The following RPS6KA5 variants were observed in gnomAD, a reference collection of about 807,000 sequenced individuals.
RPS6KA5 encodes the protein ribosomal protein S6 kinase A5, also known as ribosomal protein S6 kinase alpha-5.
In RPS6KA5, 27 loss-of-function variants were observed where a neutral mutation model predicts 85.5. The ratio of observed to expected loss-of-function variants is 0.32; its 90% confidence interval spans 0.23 to 0.44. The LOEUF (loss-of-function observed/expected upper bound fraction) is 0.44. RPS6KA5 is among the 20% of genes least tolerant of loss of function. The pLI is 1.00. For missense variants in RPS6KA5, 811 were observed against 980.9 expected, an observed-to-expected ratio of 0.83 and a Z score of 2.31; for synonymous variants, 334 against 348.2, an observed-to-expected ratio of 0.96 and a Z score of 0.46.
chr14:90,978,277 T>C, intron 3 of RPS6KA5, 29 bp downstream of exon 3: 3 of 1,534,736 alleles, frequency 2.0e-6, no homozygotes, highest in Non-Finnish European at 2.7e-6. Flanking sequence ...AGTGTTTTCA[T>C]AAAAAGTCTG....
At chr14:90,917,652 T>C (rs1325917552) in intron 7 of RPS6KA5, among the ~76,000 whole-genome samples, 1 of 152,208 alleles carries the variant, frequency 6.6e-6, no homozygotes, top group African/African-American at 2.4e-5. Flanking sequence ...ATATGGTATA[T>C]ATTCTATATT....
In RPS6KA5 at chr14:90,850,657, A is replaced by G. The variant is rs2031959023; in HGVS notation, c.*21417T>C. The G allele has an allele frequency of 6.6e-6, 1 of 152,240 alleles. No homozygotes were observed. Among genetic ancestry groups the G allele is most frequent in the South Asian group, 2.1e-4 (1 of 4,834 alleles). The allele number at this position is 152,240 out of a possible 1,614,324, so 9.4% of individuals were successfully genotyped here. A position where few individuals can be genotyped will look rare whatever the true frequency, so the allele number is the denominator to read the frequency against. ...GCCCCCACTTTCCCAAAAAGTTTTC[A>G]GGAAAAGGCTGCACAAGCACCTGTT... On this transcript the variant is annotated 3_prime_UTR_variant, in exon 17 of 17. Transcript: ENST00000614987.
intron 7 of RPS6KA5, among the ~76,000 whole-genome samples, chr14:90,909,443 G>A (rs551171709): frequency 2.0e-5 from 3 of 152,258 alleles, no homozygotes; most frequent in Non-Finnish European, 2.9e-5. Flanking sequence ...AACCCCTCAC[G>A]TGTATGTTAT....
chr14:90,854,260 T>A lies in RPS6KA5; in HGVS notation c.*17814A>T, dbSNP rs2032166239. 1 of 142,744 alleles carries A rather than the reference T, an allele frequency of 7.0e-6. No individual in the cohort carries two copies. Among genetic ancestry groups the A allele is most frequent in the South Asian group, 2.1e-4 (1 of 4,756 alleles). The allele number at this position is 142,744 out of a possible 1,614,324, so 8.8% of individuals were successfully genotyped here. A position where few individuals can be genotyped will look rare whatever the true frequency, so the allele number is the denominator to read the frequency against. ...TAAATGATTAATGTTTAATCATTAA[T>A]CATTTAATAATAAATGGCTACCAGA... On this transcript the variant is annotated 3_prime_UTR_variant, in exon 17 of 17. Coordinates refer to ENST00000614987, the MANE Select transcript of RPS6KA5 (RefSeq NM_004755.4).
intron 1 of RPS6KA5, among the ~76,000 whole-genome samples, chr14:91,021,777 C>T (rs1285401052): frequency 1.3e-5 from 2 of 152,134 alleles, no homozygotes; most frequent in East Asian, 1.9e-4. Context: ...TTTCAAAAGC[C>T]GGCTCTGTGT....
intron 2 of RPS6KA5, among the ~76,000 whole-genome samples, chr14:90,986,616 T>C (rs2040064779): frequency 2.0e-5 from 3 of 152,230 alleles, no homozygotes; most frequent in Admixed American, 2.0e-4. Context: ...GATGGTGTTC[T>C]GCCAGGTCCC....
At chr14:90,926,582 C>T (rs1198009390) in intron 5 of RPS6KA5, among the ~76,000 whole-genome samples, 1 of 151,000 alleles carries the variant, frequency 6.6e-6, no homozygotes, top group African/African-American at 2.4e-5. Context: ...CTGAGCCATA[C>T]ATTTATTTTG....
At chr14:90,896,878 G>A (rs184356091) in intron 12 of RPS6KA5, among the ~76,000 whole-genome samples, 3 of 151,962 alleles carry the variant, frequency 2.0e-5, no homozygotes, top group Non-Finnish European at 2.9e-5. Flanking sequence ...ACAACACCAC[G>A]CCTGACTAAT....
At chr14:90,947,005 G>A (rs999224022) in intron 4 of RPS6KA5, among the ~76,000 whole-genome samples, 2 of 152,154 alleles carry the variant, frequency 1.3e-5, no homozygotes, top group Non-Finnish European at 2.9e-5. Context: ...GCCAGAGTGC[G>A]AGTGGGAAAT....
chr14:91,001,146 T>C lies in RPS6KA5; in HGVS notation c.117A>G (p.Gly39=). The C allele has an allele frequency of 6.3e-7, 1 of 1,598,620 alleles. No individual in the cohort carries two copies. Among genetic ancestry groups the C allele is most frequent in the Non-Finnish European group, 8.5e-7 (1 of 1,172,544 alleles). The change falls in exon 2 of 17, where the codon GGA becomes GGG. Residue 39 remains glycine (G), a synonymous_variant. Transcript: ENST00000614987. The part of the protein sequence containing the change: ...KHELRTANLT[G]HAEKVGIENF... ...TTTCTATTCCCACCTTCTCAGCATGTCCTGTCAAATTAGCTAAAAGAAAAA... is the reference window on the plus strand; with the variant it reads ...TTTCTATTCCCACCTTCTCAGCATGCCCTGTCAAATTAGCTAAAAGAAAAA...
chr14:90,873,472 T>A (rs553370013), intron 16 of RPS6KA5, among the ~76,000 whole-genome samples, 160 bp downstream of exon 16: 2 of 152,324 alleles, frequency 1.3e-5, no homozygotes, highest in African/African-American at 4.8e-5. Context: ...ATAAAGTGTT[T>A]ATAACCATGA....
At chr14:90,875,526 A>G (rs1455609823) in intron 14 of RPS6KA5, among the ~76,000 whole-genome samples, 166 bp from the exon 15 acceptor site, 1 of 152,152 alleles carries the variant, frequency 6.6e-6, no homozygotes, top group East Asian at 1.9e-4. Context: ...TAGAAATACC[A>G]TTTGACCCAG....
In RPS6KA5 at chr14:90,850,735, G is replaced by A. The variant is rs1430347275; in HGVS notation, c.*21339C>T. The A allele has an allele frequency of 6.6e-6, 1 of 152,254 alleles. No individual in the cohort carries two copies. Among genetic ancestry groups the A allele is most frequent in the East Asian group, 1.9e-4 (1 of 5,198 alleles). The allele number at this position is 152,254 out of a possible 1,614,324, so 9.4% of individuals were successfully genotyped here. A position where few individuals can be genotyped will look rare whatever the true frequency, so the allele number is the denominator to read the frequency against. On this transcript the variant is annotated 3_prime_UTR_variant, in exon 17 of 17. Transcript: ENST00000614987. Reference sequence around the variant, plus strand: ...TCCGGCAGGAAATTGCACTGGGTGAGCTCTAAGGCTCCTAAACTCTAAGAT... The same window carrying A: ...TCCGGCAGGAAATTGCACTGGGTGAACTCTAAGGCTCCTAAACTCTAAGAT...
At position 91,031,642 on chromosome 14, in the gene RPS6KA5, G is replaced by A. The variant is rs1452528872; in HGVS notation, c.103+28690C>T. Among the ~76,000 whole-genome samples the A allele has an allele frequency of 2.6e-5, 4 of 152,096 alleles. No homozygotes were observed. The East Asian group carries it at 7.7e-4, about 29-fold the overall frequency. The stretch of plus-strand genomic sequence containing the variant: ...CTGTTAAAACATGTAGAAACACTTA[G>A]AGACTCAAAGAAAGCTAAGTGAATG... On this transcript the variant is annotated intron_variant, in intron 1 of 16. Coordinates refer to ENST00000614987, the MANE Select transcript of RPS6KA5 (RefSeq NM_004755.4).
intron 14 of RPS6KA5, among the ~76,000 whole-genome samples, chr14:90,885,741 CAAAAAAAAAAAAAAAAAAAAA>C (rs11312699): frequency 7.2e-5 from 2 of 27,874 alleles, no homozygotes; most frequent in Admixed American, 6.8e-4. Context: ...GACTCCATCT[CAAAAAAAAAAAAAAAAAAAAA>C]AAAAAAAAAA....
At chr14:90,916,330 G>A (rs1199906126) in intron 7 of RPS6KA5, among the ~76,000 whole-genome samples, 1 of 152,086 alleles carries the variant, frequency 6.6e-6, no homozygotes, top group Non-Finnish European at 1.5e-5. Context: ...CTCATTCTAA[G>A]TTCTTAGCAT....
At chr14:91,023,251 C>T (rs908662403) in intron 1 of RPS6KA5, among the ~76,000 whole-genome samples, 7 of 151,756 alleles carry the variant, frequency 4.6e-5, no homozygotes, top group African/African-American at 1.7e-4. Context: ...GGGAGACTAC[C>T]TGTGTAGGGT....
Position 90,977,166 on chromosome 14 carries a change from T to C in RPS6KA5, c.394+1140A>G, listed in dbSNP as rs549483366. On this transcript the variant is annotated intron_variant, in intron 3 of 16. Transcript: ENST00000614987. ...ACACCTAGTGTAATGGCTGGCATAC[T>C]GTAGGCACTCAAGAAATAGCTAATA... 3.3e-5 allele frequency among the ~76,000 whole-genome samples: 5 copies of C among 152,356 alleles called. No individual in the cohort carries two copies. In the South Asian group the frequency reaches 8.3e-4, roughly 25 times the overall value.
chr14:90,871,836 A>G lies in RPS6KA5; in HGVS notation c.*238T>C, dbSNP rs919376855. The G allele has an allele frequency of 2.3e-5, 9 of 393,834 alleles. No individual in the cohort carries two copies. In the South Asian group the frequency reaches 3.7e-4, roughly 16 times the overall value. The allele number at this position is 393,834 out of a possible 1,614,324, so 24.4% of individuals were successfully genotyped here. A position where few individuals can be genotyped will look rare whatever the true frequency, so the allele number is the denominator to read the frequency against. ...CAGGAACCTTTGCTCTTTCAAGAAT[A>G]GTCTTGTTGGCATCATGCTAGGTTG... On this transcript the variant is annotated 3_prime_UTR_variant, in exon 17 of 17. Transcript: ENST00000614987.
Sources: allele counts gnomAD v4.1 joint callset (sites outside exome capture counted in the v4.1 genomes callset), GRCh38; gene constraint gnomAD v4.1.1; transcripts MANE v1.5; gene names NCBI Gene and HGNC (gene_info 2026-07-23, HGNC 2026-07-21).